Variants in BLTP1 observed in about 807,000 individuals in gnomAD.
BLTP1 encodes fragile site-associated protein.
At chr4:122,208,574 GT>G in the BLTP1 span, 12 of 964,492 alleles carry the variant, frequency 1.2e-5, no homozygotes, top group African/African-American at 1.4e-4. Flanking sequence ...GCTTATAAAA[GT>G]TTTTTTAAAA....
chr4:122,339,064 G>A, the BLTP1 span: 14 of 862,508 alleles, frequency 1.6e-5, no homozygotes, highest in Admixed American at 1.2e-4. Flanking sequence ...TGTGGTTTAT[G>A]TATGAGTTCA....
At chr4:122,263,024 G>A in the BLTP1 span, 52 of 1,584,868 alleles carry the variant, frequency 3.3e-5, no homozygotes, top group East Asian at 8.7e-4. Flanking sequence ...TTATATTTAC[G>A]GGGGAATTGA....
the BLTP1 span, chr4:122,325,112 C>A: frequency 9.8e-7 from 1 of 1,025,238 alleles, no homozygotes; most frequent in Non-Finnish European, 1.4e-6. Flanking sequence ...AAGTTCAATC[C>A]TTTGATTAGG....
the BLTP1 span, among the ~76,000 whole-genome samples, chr4:122,157,671 G>A: frequency 2.0e-5 from 3 of 152,138 alleles, no homozygotes; most frequent in Admixed American, 6.5e-5. Flanking sequence ...CTGGGGGTTG[G>A]GGACCCCTGA....
chr4:122,236,405 T>A, the BLTP1 span, among the ~76,000 whole-genome samples: 1 of 152,218 alleles, frequency 6.6e-6, no homozygotes, highest in Admixed American at 6.5e-5. Context: ...TTATATAACT[T>A]TTTTACATTT....
At chr4:122,229,679 G>A in the BLTP1 span, 9 of 949,300 alleles carry the variant, frequency 9.5e-6, no homozygotes, top group East Asian at 1.2e-4. Context: ...TCTCTTGTTC[G>A]CCTGTGGATT....
At chr4:122,228,038 C>T in the BLTP1 span, among the ~76,000 whole-genome samples, 974 of 151,850 alleles carry the variant, frequency 6.4e-3, 16 homozygotes, top group African/African-American at 0.022. Context: ...CTCAGCCTCC[C>T]GAGTAGCTGG....
the BLTP1 span, chr4:122,247,034 T>C: frequency 1.5e-6 from 2 of 1,309,454 alleles, no homozygotes; most frequent in African/African-American, 3.0e-5. Context: ...AATAATTTTT[T>C]ACTACTATTG....
the BLTP1 span, among the ~76,000 whole-genome samples, chr4:122,213,952 G>C: frequency 1.1e-4 from 16 of 152,042 alleles, no homozygotes; most frequent in African/African-American, 3.9e-4. Context: ...TCTTTTTATA[G>C]TGATAACATG....
the BLTP1 span, among the ~76,000 whole-genome samples, chr4:122,332,582 T>A: frequency 9.2e-5 from 14 of 151,916 alleles, no homozygotes; most frequent in African/African-American, 3.4e-4. Context: ...TTTTTCAACT[T>A]CTTAAATGAA....
the BLTP1 span, chr4:122,189,902 T>A: frequency 6.7e-7 from 1 of 1,487,110 alleles, no homozygotes; most frequent in Non-Finnish European, 8.9e-7. Context: ...AGTTTTTTTT[T>A]CCTTTTCTTT....
chr4:122,334,396 G>T, the BLTP1 span: 1 of 1,612,478 alleles, frequency 6.2e-7, no homozygotes, highest in South Asian at 1.1e-5. Context: ...GCCTCCAGGG[G>T]ATCTTCCTTG....
chr4:122,215,735 G>T, the BLTP1 span, among the ~76,000 whole-genome samples: 2 of 151,996 alleles, frequency 1.3e-5, no homozygotes, highest in African/African-American at 4.8e-5. Context: ...GTAGTTTTTG[G>T]TTACGTGGAT....
the BLTP1 span, chr4:122,205,966 G>C: frequency 1.0e-6 from 1 of 984,902 alleles, no homozygotes; most frequent in African/African-American, 1.7e-5. Flanking sequence ...AGATAAAGTT[G>C]TACAAACTGC....
the BLTP1 span, chr4:122,179,791 C>A: frequency 1.1e-6 from 1 of 949,038 alleles, no homozygotes; most frequent in Non-Finnish European, 1.3e-6. Flanking sequence ...CACACAGCCA[C>A]ACATTGCATG....
the BLTP1 span, chr4:122,201,094 A>G: frequency 1.9e-5 from 30 of 1,613,152 alleles, no homozygotes; most frequent in Non-Finnish European, 2.5e-6. Context: ...GCCACTTACC[A>G]CTTCATCTTT....
chr4:122,261,504 A>G, the BLTP1 span: 1 of 981,688 alleles, frequency 1.0e-6, no homozygotes, highest in East Asian at 1.1e-4. Flanking sequence ...CATAGATGTG[A>G]CAGAAGATAG....
chr4:122,224,115 G>A, the BLTP1 span: 4 of 980,018 alleles, frequency 4.1e-6, no homozygotes, highest in Non-Finnish European at 4.8e-6. Context: ...GTTCTTCAAT[G>A]TTGTCTTCCT....
At chr4:122,329,705 C>A in the BLTP1 span, among the ~76,000 whole-genome samples, 2 of 151,646 alleles carry the variant, frequency 1.3e-5, no homozygotes. Flanking sequence ...TCCAGATATA[C>A]AATTTGATAA....
Sources: allele counts gnomAD v4.1 joint callset (sites outside exome capture counted in the v4.1 genomes callset), GRCh38; gene constraint gnomAD v4.1.1; transcripts MANE v1.5; gene names NCBI Gene and HGNC (gene_info 2026-07-23, HGNC 2026-07-21).